ABHD17C: variants seen among roughly 807,000 people sequenced by gnomAD.
ABHD17C encodes abhydrolase domain containing 17C, depalmitoylase, also known as alpha/beta hydrolase domain-containing protein 17C.
Under a neutral mutation model 27.9 loss-of-function variants are expected in ABHD17C, and 11 were observed. The ratio of observed to expected loss-of-function variants is 0.39; its 90% confidence interval spans 0.25 to 0.65. ABHD17C has a LOEUF of 0.65. ABHD17C is among the 30% of genes least tolerant of loss of function. The probability of loss-of-function intolerance (pLI) is 0.45; values close to 1 mark genes in which losing one functional copy is unlikely to be tolerated. For synonymous variants in ABHD17C, 233 were observed against 209.1 expected, an observed-to-expected ratio of 1.11 and a Z score of -0.98; for missense variants, 280 against 470.2, an observed-to-expected ratio of 0.60 and a Z score of 3.74.
intron 1 of ABHD17C, among the ~76,000 whole-genome samples, chr15:80,700,902 AAAAAC>A (rs774554209): frequency 7.3e-5 from 11 of 151,396 alleles, no homozygotes; most frequent in African/African-American, 2.2e-4. Flanking sequence ...TCCTGTCTCA[AAAAAC>A]AAAACAAACA....
At chr15:80,739,886 C>G (rs1368922631) in intron 1 of ABHD17C, among the ~76,000 whole-genome samples, 10 of 152,098 alleles carry the variant, frequency 6.6e-5, no homozygotes, top group Admixed American at 6.6e-4. Flanking sequence ...AAATCTTTTC[C>G]CTTTTGGCCT....
intron 1 of ABHD17C, among the ~76,000 whole-genome samples, chr15:80,717,687 CA>C (rs1444737151): frequency 6.6e-6 from 1 of 152,134 alleles, no homozygotes; most frequent in Non-Finnish European, 1.5e-5. Flanking sequence ...TGCCCAGCTG[CA>C]AAATGCATTT....
chr15:80,713,647 A>C (rs1479941400), intron 1 of ABHD17C, among the ~76,000 whole-genome samples: 1 of 151,872 alleles, frequency 6.6e-6, no homozygotes, highest in East Asian at 1.9e-4. Flanking sequence ...GTCTCTACTA[A>C]AAATACAAAA....
At chr15:80,732,069 A>G in intron 1 of ABHD17C, among the ~76,000 whole-genome samples, 1 of 152,280 alleles carries the variant, frequency 6.6e-6, no homozygotes, top group Non-Finnish European at 1.5e-5. Context: ...GGTGCTGGGG[A>G]CAGACTCCTT....
chr15:80,741,529 G>A (rs1895211853), intron 1 of ABHD17C, among the ~76,000 whole-genome samples: 1 of 151,776 alleles, frequency 6.6e-6, no homozygotes, highest in Non-Finnish European at 1.5e-5. Flanking sequence ...TTCACAGGTA[G>A]AAGATTTGTT....
intron 1 of ABHD17C, among the ~76,000 whole-genome samples, chr15:80,747,943 G>C (rs989529775): frequency 6.6e-6 from 1 of 152,104 alleles, no homozygotes; most frequent in Non-Finnish European, 1.5e-5. Flanking sequence ...AGGACAGCCC[G>C]TAACCCTTTA....
rs777648383 is a variant in ABHD17C at position 80,754,318 on chromosome 15, A to C, written c.938A>C (p.Gln313Pro). 6.2e-7 allele frequency: 1 copy of C among 1,613,976 alleles called. No individual in the cohort carries two copies. Among genetic ancestry groups the C allele is most frequent in the Admixed American group, 1.7e-5 (1 of 59,998 alleles). Residue 313 changes from glutamine to proline, a missense_variant, in exon 3 of 3, where the codon CAA (glutamine) becomes CCA (proline). Transcript: ENST00000258884. ...AGHNDIELYA[Q>P]YLERLKQFIS... ...CATAATGACATAGAGCTTTATGCAC[A>C]ATACCTAGAAAGACTAAAACAGTTC...
At chr15:80,702,879 TA>T (rs1222329793) in intron 1 of ABHD17C, 2 of 152,208 alleles carry the variant, frequency 1.3e-5, no homozygotes, top group Non-Finnish European at 2.9e-5. Flanking sequence ...TAATTTCATC[TA>T]AAAGATGTGA....
chr15:80,730,784 T>C (rs1284208252), intron 1 of ABHD17C, among the ~76,000 whole-genome samples: 2 of 152,208 alleles, frequency 1.3e-5, no homozygotes, highest in African/African-American at 4.8e-5. Flanking sequence ...TCTCTGGTTA[T>C]TGCATTTTAC....
intron 1 of ABHD17C, among the ~76,000 whole-genome samples, chr15:80,706,981 A>G (rs535668040): frequency 2.0e-5 from 3 of 152,228 alleles, no homozygotes; most frequent in Non-Finnish European, 4.4e-5. Flanking sequence ...AGCATGTTTT[A>G]TAGTATACAA....
chr15:80,712,195 C>G (rs1303551111), intron 1 of ABHD17C, among the ~76,000 whole-genome samples: 1 of 152,248 alleles, frequency 6.6e-6, no homozygotes, highest in East Asian at 1.9e-4. Context: ...GAGGTAGTAT[C>G]TAACTCTTTA....
chr15:80,712,924 T>A (rs551558938), intron 1 of ABHD17C, among the ~76,000 whole-genome samples: 1 of 152,190 alleles, frequency 6.6e-6, no homozygotes, highest in Non-Finnish European at 1.5e-5. Flanking sequence ...CAAAACTTTA[T>A]AATGGAAAAA....
chr15:80,725,987 G>C (rs1277166527), intron 1 of ABHD17C, among the ~76,000 whole-genome samples: 1 of 152,188 alleles, frequency 6.6e-6, no homozygotes, highest in African/African-American at 2.4e-5. Context: ...AGAGCCGAGA[G>C]CCCCGAACAG....
At chr15:80,739,901 G>A (rs770840109) in intron 1 of ABHD17C, among the ~76,000 whole-genome samples, 3 of 152,128 alleles carry the variant, frequency 2.0e-5, no homozygotes, top group East Asian at 3.8e-4. Flanking sequence ...TGGCCTGTTC[G>A]TCTTTCTTTT....
At chr15:80,707,099 G>A (rs918031502) in intron 1 of ABHD17C, among the ~76,000 whole-genome samples, 4 of 152,190 alleles carry the variant, frequency 2.6e-5, no homozygotes, top group South Asian at 4.1e-4. Context: ...TTGATAAAAA[G>A]CAGATTAATA....
rs1023706181 is a variant in ABHD17C, at chr15:80,737,525, T to G, written c.591-11988T>G. 3.3e-5 allele frequency among the ~76,000 whole-genome samples: 5 copies of G among 152,290 alleles called. No homozygotes were observed. The South Asian group carries it at 1.0e-3, about 32-fold the overall frequency. On this transcript the variant is annotated intron_variant, in intron 1 of 2. Transcript: ENST00000258884. ...CTCACTGATCCCTGAGCCTGGAAAT[T>G]GTTAACTTGCCCAAAGGGAGATACA... is the stretch of plus-strand genomic sequence containing the variant.
intron 1 of ABHD17C, among the ~76,000 whole-genome samples, chr15:80,725,348 A>G (rs1207780854): frequency 2.6e-5 from 4 of 152,156 alleles, no homozygotes; most frequent in African/African-American, 9.7e-5. Context: ...CAGACATGGG[A>G]TAGGTGAGAA....
intron 1 of ABHD17C, among the ~76,000 whole-genome samples, chr15:80,709,057 C>T: frequency 6.6e-6 from 1 of 152,142 alleles, no homozygotes; most frequent in East Asian, 1.9e-4. Context: ...GCTGAATCTC[C>T]TTTGCCGGAG....
At chr15:80,696,918 G>A (rs1039413302) in intron 1 of ABHD17C, among the ~76,000 whole-genome samples, 1 of 152,106 alleles carries the variant, frequency 6.6e-6, no homozygotes, top group African/African-American at 2.4e-5. Flanking sequence ...TGACCTTTCC[G>A]ACCTGCCTCA....
Sources: allele counts gnomAD v4.1 joint callset (sites outside exome capture counted in the v4.1 genomes callset), GRCh38; gene constraint gnomAD v4.1.1; transcripts MANE v1.5; gene names NCBI Gene and HGNC (gene_info 2026-07-23, HGNC 2026-07-21).